Variants in TBC1D22A observed in about 807,000 individuals in gnomAD.
The protein encoded by TBC1D22A is TBC1 domain family member 22A.
A neutral mutation model predicts 60.2 loss-of-function variants in TBC1D22A; 38 were observed. That is an observed-to-expected ratio of 0.63 (90% CI 0.49 to 0.83). The LOEUF (loss-of-function observed/expected upper bound fraction) is 0.83. Among genes scored for constraint, TBC1D22A ranks in the 40% least tolerant of loss-of-function variants. TBC1D22A has a pLI of 0.00. For synonymous variants in TBC1D22A, 302 were observed against 281.7 expected (o/e 1.07, Z -0.72); for missense variants, 628 against 701.0 (o/e 0.90, Z 1.18).
chr22:46,817,828 G>A (rs1409588417), intron 4 of TBC1D22A, among the ~76,000 whole-genome samples: 4 of 152,130 alleles, frequency 2.6e-5, no homozygotes, highest in African/African-American at 9.7e-5. Context: ...TTGGAAAATC[G>A]CCATACCGTC....
At chr22:47,081,467 G>C (rs777655558) in intron 11 of TBC1D22A, among the ~76,000 whole-genome samples, 1 of 152,130 alleles carries the variant, frequency 6.6e-6, no homozygotes, top group Non-Finnish European at 1.5e-5. Flanking sequence ...CTTCTATTCA[G>C]TATTGCTCTG....
At chr22:46,978,770 G>A (rs539928865) in intron 9 of TBC1D22A, among the ~76,000 whole-genome samples, 21 of 152,142 alleles carry the variant, frequency 1.4e-4, no homozygotes, top group Non-Finnish European at 2.2e-4. Context: ...CACCATGCCC[G>A]GGTAATTTTT....
Position 47,166,733 on chromosome 22 carries a change from C to CAGCCCTGGGCATGTGGT in TBC1D22A, c.1426-6764_1426-6748dup, listed in dbSNP as rs1360253172. Among the ~76,000 whole-genome samples the CAGCCCTGGGCATGTGGT allele has an allele frequency of 3.3e-5, 5 of 152,264 alleles. No individual in the cohort carries two copies. In the South Asian group the frequency reaches 1.0e-3, roughly 31 times the overall value. Reference sequence around the variant, plus strand: ...GCCTGGAGTGGGGCCCGGCATGAGGCAGCCCTGGGCATGTGGTCACCCAGT... The same window carrying CAGCCCTGGGCATGTGGT: ...GCCTGGAGTGGGGCCCGGCATGAGGCAGCCCTGGGCATGTGGTAGCCCTGGGCATGTGGTCACCCAGT... On this transcript the variant is annotated intron_variant, in intron 12 of 12. Transcript: ENST00000337137.
At chr22:46,839,260 A>ACAC (rs1192100525) in intron 4 of TBC1D22A, among the ~76,000 whole-genome samples, 1 of 132,302 alleles carries the variant, frequency 7.6e-6, no homozygotes, top group Non-Finnish European at 1.7e-5. Flanking sequence ...AAAGAATGAA[A>ACAC]TATGATACTT....
At chr22:47,140,867 GCAGCACA>G (rs1208442065) in intron 12 of TBC1D22A, among the ~76,000 whole-genome samples, 1 of 152,212 alleles carries the variant, frequency 6.6e-6, no homozygotes, top group African/African-American at 2.4e-5. Context: ...CCCACAATCG[GCAGCACA>G]CAGCCTTGGG....
At chr22:46,776,209 G>T (rs1175599285) in intron 1 of TBC1D22A, among the ~76,000 whole-genome samples, 2 of 152,230 alleles carry the variant, frequency 1.3e-5, no homozygotes, top group Admixed American at 6.5e-5. Flanking sequence ...GTAGTCAGGG[G>T]CTGGGACAAG....
intron 11 of TBC1D22A, among the ~76,000 whole-genome samples, chr22:47,047,185 G>A (rs2063061314): frequency 6.6e-6 from 1 of 152,296 alleles, no homozygotes; most frequent in South Asian, 2.1e-4. Context: ...CTGCTTGCAT[G>A]TAGCAATTCT....
intron 12 of TBC1D22A, among the ~76,000 whole-genome samples, chr22:47,160,509 C>T (rs2067937152): frequency 6.6e-6 from 1 of 152,170 alleles, no homozygotes; most frequent in Non-Finnish European, 1.5e-5. Context: ...ATCCTGCAGG[C>T]CACGTGGACA....
At chr22:46,813,634 C>T (rs929732738) in intron 4 of TBC1D22A, among the ~76,000 whole-genome samples, 10 of 152,166 alleles carry the variant, frequency 6.6e-5, no homozygotes, top group South Asian at 4.1e-4. Context: ...GCAGATAATA[C>T]GGTAGAACTA....
At chr22:47,172,440 C>A (rs899159184) in intron 12 of TBC1D22A, among the ~76,000 whole-genome samples, 1 of 152,200 alleles carries the variant, frequency 6.6e-6, no homozygotes, top group South Asian at 2.1e-4. Context: ...TTTAAAAATA[C>A]ACATGTAAGA....
In TBC1D22A at chr22:47,173,480, T is replaced by C. The variant is rs201091300; in HGVS notation, c.1426-18T>C. 2.1e-3 allele frequency: 3,414 copies of C among 1,613,578 alleles called. 13 individuals carry two copies. The highest frequency in any genetic ancestry group is 3.8e-3 in the Middle Eastern group (23 of 6,062). On this transcript the variant is annotated intron_variant, in intron 12 of 12. Coordinates refer to ENST00000337137, the MANE Select transcript of TBC1D22A (RefSeq NM_014346.5). ...GTGGGTCACCTCCTCTGACCTGGGC[T>C]TGTCTCTTTCTCCCCAGGAGCTGCT...
At chr22:46,964,606 T>C (rs572590332) in intron 8 of TBC1D22A, among the ~76,000 whole-genome samples, 23 of 152,254 alleles carry the variant, frequency 1.5e-4, no homozygotes, top group Non-Finnish European at 2.8e-4. Context: ...ATGGACCGTC[T>C]GTCCAATTTT....
intron 11 of TBC1D22A, among the ~76,000 whole-genome samples, chr22:47,041,748 C>A (rs1404915478): frequency 6.6e-6 from 1 of 152,226 alleles, no homozygotes; most frequent in East Asian, 1.9e-4. Flanking sequence ...TGAGGATTGG[C>A]AGACGTTTTC....
intron 8 of TBC1D22A, chr22:46,914,761 T>TGG (rs2070231863): frequency 6.5e-6 from 1 of 153,372 alleles, no homozygotes; most frequent in East Asian, 1.9e-4. Flanking sequence ...GCTGTGGGAG[T>TGG]GGGGCAGGAG....
At chr22:46,934,432 C>A (rs5769272) in intron 8 of TBC1D22A, among the ~76,000 whole-genome samples, 84,222 of 152,062 alleles carry the variant, frequency 0.55, 24,223 homozygotes, top group East Asian at 0.72. Flanking sequence ...TAGTGAGTAT[C>A]TTGGAGGGTT....
At chr22:46,905,662 C>A (rs2069410891) in intron 7 of TBC1D22A, among the ~76,000 whole-genome samples, 1 of 152,190 alleles carries the variant, frequency 6.6e-6, no homozygotes, top group Non-Finnish European at 1.5e-5. Context: ...CACGCGAGGG[C>A]CAGCGGTCCC....
chr22:46,922,042 TTAATC>T (rs1435194697), intron 8 of TBC1D22A, among the ~76,000 whole-genome samples: 1 of 152,228 alleles, frequency 6.6e-6, no homozygotes, highest in Non-Finnish European at 1.5e-5. Context: ...ATGTAAGTCT[TTAATC>T]TATCTTGAGT....
At chr22:47,064,478 T>A (rs905948263) in intron 11 of TBC1D22A, among the ~76,000 whole-genome samples, 49 of 152,270 alleles carry the variant, frequency 3.2e-4, no homozygotes, top group Non-Finnish European at 6.3e-4. Flanking sequence ...TGATGGTATT[T>A]TATTTTAAGT....
At chr22:47,052,070 T>TG (rs131920) in intron 11 of TBC1D22A, among the ~76,000 whole-genome samples, 34,612 of 152,096 alleles carry the variant, frequency 0.23, 5,148 homozygotes, top group East Asian at 0.58. Context: ...AGGCTCTCAC[T>TG]GGGCCTCCTG....
Sources: gnomAD v4.1 joint callset for allele counts (sites outside exome capture counted in the v4.1 genomes callset) on GRCh38, gnomAD v4.1.1 for gene constraint, MANE v1.5 for transcripts, NCBI Gene and HGNC (gene_info 2026-07-23, HGNC 2026-07-21) for gene names.